SESN1: variants seen among roughly 807,000 people sequenced by gnomAD.
The protein encoded by SESN1 is sestrin 1, also known as sestrin-1.
In SESN1, 30 loss-of-function variants were observed where a neutral mutation model predicts 59.3. The observed-to-expected ratio is 0.51, with a 90% CI of 0.38 to 0.69. SESN1 has a LOEUF of 0.69. Among genes scored for constraint, SESN1 ranks in the 30% least tolerant of loss-of-function variants. SESN1 has a pLI of 0.00. For missense variants in SESN1, 566 were observed against 673.0 expected (o/e 0.84, Z 1.76); for synonymous variants, 197 against 219.9 (o/e 0.90, Z 0.92).
chr6:109,057,407 G>T (rs910608388), intron 1 of SESN1, among the ~76,000 whole-genome samples: 1 of 152,114 alleles, frequency 6.6e-6, no homozygotes, highest in African/African-American at 2.4e-5. Context: ...CATCACACCG[G>T]CTCTGGACTG....
intron 1 of SESN1, among the ~76,000 whole-genome samples, chr6:109,029,912 A>G (rs931066838): frequency 6.6e-6 from 1 of 152,140 alleles, no homozygotes; most frequent in Non-Finnish European, 1.5e-5. Flanking sequence ...TATTTTGCTG[A>G]GCTTCTTCAA....
chr6:109,025,748 A>G (rs1289197441), intron 1 of SESN1, among the ~76,000 whole-genome samples: 1 of 152,120 alleles, frequency 6.6e-6, no homozygotes, highest in Non-Finnish European at 1.5e-5. Flanking sequence ...TAAACTAGAA[A>G]GTAAATCTGA....
chr6:109,087,907 C>G (rs1781240287), intron 1 of SESN1, among the ~76,000 whole-genome samples: 1 of 149,252 alleles, frequency 6.7e-6, no homozygotes, highest in South Asian at 2.2e-4. Context: ...GCCTGACTGC[C>G]TTCTGTACTG....
intron 1 of SESN1, among the ~76,000 whole-genome samples, chr6:109,022,012 C>T (rs916065454): frequency 7.9e-5 from 12 of 151,954 alleles, no homozygotes; most frequent in African/African-American, 2.7e-4. Flanking sequence ...ATCATTCAGT[C>T]AACCAGTGTT....
intron 1 of SESN1, among the ~76,000 whole-genome samples, chr6:109,060,681 T>C (rs1381665954): frequency 1.3e-5 from 2 of 152,240 alleles, no homozygotes; most frequent in African/African-American, 4.8e-5. Flanking sequence ...TGCTCGATTC[T>C]ACTTTAACTA....
At chr6:108,988,495 C>T (rs771009249) in intron 9 of SESN1, 48 bp downstream of exon 9, 15 of 1,526,762 alleles carry the variant, frequency 9.8e-6, no homozygotes, top group African/African-American at 9.7e-5. Flanking sequence ...AAGGAGACTA[C>T]GAATCATTGC....
chr6:109,039,433 T>C (rs555153457), intron 1 of SESN1, among the ~76,000 whole-genome samples: 3 of 152,366 alleles, frequency 2.0e-5, no homozygotes, highest in South Asian at 2.1e-4. Context: ...AGTATCATCA[T>C]TGTATTTCAC....
chr6:109,061,095 T>C (rs1562471348), intron 1 of SESN1, among the ~76,000 whole-genome samples: 1 of 150,912 alleles, frequency 6.6e-6, no homozygotes, highest in East Asian at 1.9e-4. Context: ...ATCTCACACA[T>C]ATTATTCATA....
rs1779205975 is a variant in SESN1, at chr6:108,986,684, C to CTGAA, written c.*856_*859dup. The CTGAA allele has an allele frequency of 6.6e-6, 1 of 152,364 alleles. No individual in the cohort carries two copies. Among genetic ancestry groups the CTGAA allele is most frequent in the Non-Finnish European group, 1.5e-5 (1 of 68,062 alleles). The allele number at this position is 152,364 out of a possible 1,614,324, so 9.4% of individuals were successfully genotyped here. A position where few individuals can be genotyped will look rare whatever the true frequency, so the allele number is the denominator to read the frequency against. On this transcript the variant is annotated 3_prime_UTR_variant, in exon 10 of 10. Transcript: ENST00000436639. ...CAGGAGGCAGGCAGAGGCAGAGAGA[C>CTGAA]TGAATGCACCCAGGACTGCGCAGCA...
At chr6:108,998,846 G>T in intron 4 of SESN1, 91 bp from the exon 5 acceptor site, 1 of 1,399,074 alleles carries the variant, frequency 7.1e-7, no homozygotes, top group Non-Finnish European at 9.6e-7. Flanking sequence ...TTGAAAACAT[G>T]AGTCATCATA....
At chr6:109,014,042 A>T (rs777226096) in intron 1 of SESN1, among the ~76,000 whole-genome samples, 11 of 150,552 alleles carry the variant, frequency 7.3e-5, no homozygotes, top group Non-Finnish European at 1.5e-4. Flanking sequence ...TTTTAGAATT[A>T]TATCACTTTA....
chr6:109,011,791 G>C (rs1779862924), intron 1 of SESN1, among the ~76,000 whole-genome samples: 1 of 151,796 alleles, frequency 6.6e-6, no homozygotes, highest in Non-Finnish European at 1.5e-5. Flanking sequence ...ACCACACCCG[G>C]CTACTTTTTA....
chr6:109,018,413 T>C (rs1222631443), intron 1 of SESN1, among the ~76,000 whole-genome samples: 1 of 152,198 alleles, frequency 6.6e-6, no homozygotes, highest in Non-Finnish European at 1.5e-5. Flanking sequence ...TTTTAAAAAA[T>C]TAATGCGTGT....
Position 109,093,840 on chromosome 6 carries a change from G to A in SESN1, c.234C>T (p.Phe78=). The A allele has an allele frequency of 6.2e-7, 1 of 1,614,148 alleles. No individual in the cohort carries two copies. Among genetic ancestry groups the A allele is most frequent in the Non-Finnish European group, 8.5e-7 (1 of 1,180,034 alleles). ...ACTCACTTTTCTCTCTCACATCTTT[G>A]AAGGGACACCTCTTAGAAAGCATAA... The part of the protein sequence containing the change: ...HLLMLSKRCP[F]KDVREKSEFI... Residue 78 remains phenylalanine, a synonymous_variant, in exon 1 of 10, where the codon TTC becomes TTT. Coordinates refer to ENST00000436639, the MANE Select transcript of SESN1 (RefSeq NM_014454.3).
At chr6:109,071,394 C>G (rs1583295633) in intron 1 of SESN1, among the ~76,000 whole-genome samples, 1 of 149,190 alleles carries the variant, frequency 6.7e-6, no homozygotes, top group African/African-American at 2.5e-5. Context: ...AAGACAGGCA[C>G]AATGCTAAGT....
chr6:108,993,130 A>G (rs1779424204), intron 6 of SESN1: 1 of 422,882 alleles, frequency 2.4e-6, no homozygotes, highest in African/African-American at 2.1e-5. Flanking sequence ...TATGCCTTTT[A>G]TTGCCTCTTT....
intron 3 of SESN1, 125 bp downstream of exon 3, chr6:109,001,163 G>T: frequency 1.2e-6 from 1 of 822,904 alleles, no homozygotes; most frequent in Middle Eastern, 3.8e-4. Context: ...AACAGAGACT[G>T]TGCAACAGGA....
chr6:109,075,111 A>C (rs1781010773), intron 1 of SESN1, among the ~76,000 whole-genome samples: 1 of 152,178 alleles, frequency 6.6e-6, no homozygotes, highest in Non-Finnish European at 1.5e-5. Context: ...GAAGAAGTCG[A>C]GACTGGACTC....
chr6:109,006,676 T>A (rs1779740064), intron 1 of SESN1, among the ~76,000 whole-genome samples: 1 of 152,212 alleles, frequency 6.6e-6, no homozygotes, highest in Admixed American at 6.5e-5. Context: ...ATACCACTGT[T>A]ATTATACAGT....
Sources: allele counts gnomAD v4.1 joint callset (sites outside exome capture counted in the v4.1 genomes callset), GRCh38; gene constraint gnomAD v4.1.1; transcripts MANE v1.5; gene names NCBI Gene and HGNC (gene_info 2026-07-23, HGNC 2026-07-21).